Variants in CERS6 observed in about 807,000 individuals in gnomAD.
The protein encoded by CERS6 is ceramide synthase 6, also known as LAG1 homolog, ceramide synthase 6.
Under a neutral mutation model 56.8 loss-of-function variants are expected in CERS6, and 26 were observed. That is an observed-to-expected ratio of 0.46 (90% CI 0.34 to 0.63). The LOEUF (loss-of-function observed/expected upper bound fraction) is 0.63. Ranked by LOEUF, CERS6 falls within the 30% of genes least tolerant of loss-of-function variation. The pLI is 0.01. For missense variants in CERS6, 415 were observed against 467.5 expected (o/e 0.89, Z 1.04); for synonymous variants, 164 against 173.3 (o/e 0.95, Z 0.42).
intron 8 of CERS6, among the ~76,000 whole-genome samples, chr2:168,747,665 T>G (rs558940115): frequency 7.2e-5 from 11 of 152,224 alleles, no homozygotes; most frequent in Non-Finnish European, 1.3e-4. Context: ...TTTTCTCTTT[T>G]TTATGTATAT....
chr2:168,720,382 C>A (rs1163666067), intron 8 of CERS6, among the ~76,000 whole-genome samples: 1 of 152,150 alleles, frequency 6.6e-6, no homozygotes, highest in East Asian at 1.9e-4. Flanking sequence ...TGCTCAGTAG[C>A]CACACGTGCC....
intron 4 of CERS6, among the ~76,000 whole-genome samples, chr2:168,660,323 T>G (rs894455023): frequency 6.6e-6 from 1 of 152,198 alleles, no homozygotes; most frequent in Non-Finnish European, 1.5e-5. Context: ...GAGAAACGTC[T>G]CACCTTGTTT....
At chr2:168,749,853 C>A (rs1427044004) in intron 8 of CERS6, among the ~76,000 whole-genome samples, 1 of 152,206 alleles carries the variant, frequency 6.6e-6, no homozygotes, top group African/African-American at 2.4e-5. Flanking sequence ...AGAGGCAGTG[C>A]TACAGCTCTG....
intron 4 of CERS6, chr2:168,644,369 G>A: frequency 2.0e-6 from 2 of 985,006 alleles, no homozygotes; most frequent in African/African-American, 3.5e-5. Flanking sequence ...GGGGAAGAGA[G>A]GAGGCAGCAG....
chr2:168,484,124 TG>T (rs1244845626), intron 1 of CERS6, among the ~76,000 whole-genome samples: 2 of 151,732 alleles, frequency 1.3e-5, no homozygotes, highest in African/African-American at 4.8e-5. Flanking sequence ...AAAATGCTGT[TG>T]TTTTTAGTAC....
chr2:168,709,718 T>C, intron 6 of CERS6, among the ~76,000 whole-genome samples: 1 of 152,186 alleles, frequency 6.6e-6, no homozygotes, highest in East Asian at 1.9e-4. Context: ...AATGCTAATG[T>C]TCTTTCAGCC....
chr2:168,734,321 ACC>A (rs1428653798), intron 8 of CERS6, among the ~76,000 whole-genome samples: 1 of 152,146 alleles, frequency 6.6e-6, no homozygotes. Flanking sequence ...CTTGGCTCAC[ACC>A]CTGGGGCAGA....
chr2:168,735,772 C>T (rs1683696771), intron 8 of CERS6, among the ~76,000 whole-genome samples: 2 of 146,834 alleles, frequency 1.4e-5, no homozygotes, highest in Admixed American at 7.0e-5. Context: ...GTCCCTGCTA[C>T]TTGGGAGGCT....
rs754954760 is a variant in CERS6 at position 168,717,885 on chromosome 2, C to T, written c.752C>T (p.Ala251Val). ...TTTCTTTCATAGGCTGCCAAAATGG[C>T]AAATTATGCCAAGTTTCAGAAAATG... ...ADALLEAAKM[A>V]NYAKFQKMCD... is the part of the protein sequence containing the mutation. Residue 251 changes from alanine to valine, a missense_variant, in exon 8 of 10, where the codon GCA becomes GTA. By Grantham distance (64) the Ala-to-Val change is moderately conservative. Transcript: ENST00000305747. 3.1e-6 allele frequency: 5 copies of T among 1,613,126 alleles called. No homozygotes were observed. Among genetic ancestry groups the T allele is most frequent in the Non-Finnish European group, 3.4e-6 (4 of 1,179,456 alleles).
At chr2:168,497,131 C>G (rs1694486879) in intron 1 of CERS6, among the ~76,000 whole-genome samples, 1 of 152,090 alleles carries the variant, frequency 6.6e-6, no homozygotes, top group Non-Finnish European at 1.5e-5. Context: ...AAGGATCACT[C>G]TGAAAGGAGT....
chr2:168,520,596 T>TA lies in CERS6; in HGVS notation c.171-27000_171-26999insA, dbSNP rs1396189173. On this transcript the variant is annotated intron_variant, in intron 1 of 9. Transcript: ENST00000305747. ...ATTTAACTCTTTAACATTTACAATA[T>TA]CCTTTTTTTTTTTTTTTTTTTTTTT... Among the ~76,000 whole-genome samples, 405 of 128,600 alleles carry TA rather than the reference T, an allele frequency of 3.1e-3. 58 individuals are homozygous for TA. The highest frequency in any genetic ancestry group is 5.1e-3 in the Non-Finnish European group (320 of 62,330). 84.4% of individuals were successfully genotyped at this position (128,600 alleles called of 152,430 possible).
At chr2:168,755,431 G>C (rs1308503987) in intron 8 of CERS6, among the ~76,000 whole-genome samples, 3 of 152,120 alleles carry the variant, frequency 2.0e-5, no homozygotes, top group African/African-American at 7.2e-5. Context: ...GTGACTCTCA[G>C]CATGGAGGCA....
intron 2 of CERS6, among the ~76,000 whole-genome samples, chr2:168,550,364 G>T (rs1256184950): frequency 6.6e-6 from 1 of 152,120 alleles, no homozygotes; most frequent in African/African-American, 2.4e-5. Context: ...TTTTTGGAGA[G>T]ATAGGGCCTC....
At chr2:168,749,033 G>C (rs1380630041) in intron 8 of CERS6, among the ~76,000 whole-genome samples, 1 of 148,618 alleles carries the variant, frequency 6.7e-6, no homozygotes, top group Non-Finnish European at 1.5e-5. Context: ...AAAAGACAAG[G>C]TTTGAGGTAT....
In CERS6 at chr2:168,460,984, G is replaced by C. The variant is rs184676051; in HGVS notation, c.170+4366G>C. ...CCTTCTAGGATAGTTGAGAGAGCGA[G>C]AGAGAGAGAGAGTGTGAGAGCGTGT... On this transcript the variant is annotated intron_variant, in intron 1 of 9. Coordinates refer to ENST00000305747, the MANE Select transcript of CERS6 (RefSeq NM_203463.3). Among the ~76,000 whole-genome samples the C allele has an allele frequency of 3.6e-3, 491 of 134,526 alleles. 4 individuals carry two copies. Among genetic ancestry groups the C allele is most frequent in the African/African-American group, 0.012 (478 of 39,760 alleles). The allele number at this position is 134,526 out of a possible 152,430, so 88.3% of individuals were successfully genotyped here. A position where few individuals can be genotyped will look rare whatever the true frequency, so the allele number is the denominator to read the frequency against.
chr2:168,493,845 C>A (rs1330013135), intron 1 of CERS6, among the ~76,000 whole-genome samples: 1 of 148,432 alleles, frequency 6.7e-6, no homozygotes, highest in Non-Finnish European at 1.5e-5. Flanking sequence ...ATATAATATA[C>A]ATTAATATAT....
In CERS6 at chr2:168,574,627, G is replaced by A. The variant is rs542439488; in HGVS notation, c.407+13305G>A. The stretch of plus-strand genomic sequence containing the variant: ...ATATAGTGATTAAATAAAATGATTC[G>A]TGTAAAGCACCTACGATATTGCCAA... On this transcript the variant is annotated intron_variant, in intron 3 of 9. Coordinates refer to ENST00000305747, the MANE Select transcript of CERS6 (RefSeq NM_203463.3). 3.9e-4 allele frequency among the ~76,000 whole-genome samples: 59 copies of A among 152,162 alleles called. 1 individual carries two copies. The Middle Eastern group carries it at 0.01, about 26-fold the overall frequency.
intron 1 of CERS6, among the ~76,000 whole-genome samples, chr2:168,484,382 T>C (rs560659691): frequency 1.3e-4 from 20 of 152,054 alleles, no homozygotes; most frequent in South Asian, 4.1e-4. Flanking sequence ...GGTTTCTCCA[T>C]GTTGGTCAGG....
chr2:168,736,794 T>C (rs1020362038), intron 8 of CERS6, among the ~76,000 whole-genome samples: 2 of 152,262 alleles, frequency 1.3e-5, no homozygotes, highest in East Asian at 3.8e-4. Flanking sequence ...CTGATGCATG[T>C]GTAAGGACAG....
Sources: gnomAD v4.1 joint callset for allele counts (sites outside exome capture counted in the v4.1 genomes callset) on GRCh38, gnomAD v4.1.1 for gene constraint, MANE v1.5 for transcripts, NCBI Gene and HGNC (gene_info 2026-07-23, HGNC 2026-07-21) for gene names.